Variants in KIF24 observed in about 807,000 individuals in gnomAD.
The protein encoded by KIF24 is kinesin-like protein KIF24.
A neutral mutation model predicts 118.9 loss-of-function variants in KIF24; 81 were observed. The ratio of observed to expected loss-of-function variants is 0.68; its 90% CI spans 0.57 to 0.82. The LOEUF (loss-of-function observed/expected upper bound fraction) is 0.82, where lower values mean the gene tolerates loss of function less well. KIF24 is among the 40% of genes least tolerant of loss of function. KIF24 has a pLI of 0.00. For missense variants in KIF24, 1,560 were observed against 1,661.6 expected, an observed-to-expected ratio of 0.94 and a Z score of 1.06; for synonymous variants, 599 against 610.0, an observed-to-expected ratio of 0.98 and a Z score of 0.27.
chr9:34,289,041 A>G (rs1385829026), intron 5 of KIF24, among the ~76,000 whole-genome samples: 2 of 152,174 alleles, frequency 1.3e-5, no homozygotes, highest in African/African-American at 4.8e-5. Flanking sequence ...GGTAAAAAAG[A>G]AAGGCAACTC....
chr9:34,293,107 A>AT lies in KIF24; in HGVS notation c.912-2719dup, dbSNP rs1304372105. On this transcript the variant is annotated intron_variant, in intron 4 of 12. Coordinates refer to ENST00000402558, the MANE Select transcript of KIF24 (RefSeq NM_194313.4). ...TTCACATTTTTAGCCTTCTCATAAA[A>AT]TTTAAAAAATTAAATAGCTTTTACA... is the stretch of plus-strand genomic sequence containing the variant. Among the ~76,000 whole-genome samples, 27 of 152,336 alleles carry AT rather than the reference A, an allele frequency of 1.8e-4. No individual in the cohort carries two copies. In the South Asian group the frequency reaches 4.1e-3, roughly 23 times the overall value.
At chr9:34,279,319 G>A (rs1279715321) in intron 6 of KIF24, among the ~76,000 whole-genome samples, 1 of 152,144 alleles carries the variant, frequency 6.6e-6, no homozygotes, top group East Asian at 1.9e-4. Context: ...ACATGGCACT[G>A]TAACTGGCTG....
At position 34,311,167 on chromosome 9, in the gene KIF24, A is replaced by T; in HGVS notation, c.180T>A (p.Ile60=). ...DRKRLFQLIK[I]IKIMQEEDKA... Reference sequence around the variant, plus strand: ...TATCTTCTTCTTGCATAATCTTAATAATTTTGATAAGTTGGAAGAGACGTT... The same window carrying T: ...TATCTTCTTCTTGCATAATCTTAATTATTTTGATAAGTTGGAAGAGACGTT... Residue 60 remains isoleucine, a synonymous_variant, in exon 2 of 13, where the codon ATT becomes ATA. Coordinates refer to ENST00000402558, the MANE Select transcript of KIF24 (RefSeq NM_194313.4). The T allele has an allele frequency of 6.2e-7, 1 of 1,613,454 alleles. No individual in the cohort carries two copies.
At position 34,256,233 on chromosome 9, in the gene KIF24, C is replaced by T. The variant is rs1341578257; in HGVS notation, c.3374G>A (p.Gly1125Asp). The T allele has an allele frequency of 1.0e-5, 16 of 1,604,202 alleles. No homozygotes were observed. Among genetic ancestry groups the T allele is most frequent in the Non-Finnish European group, 1.3e-5 (15 of 1,174,616 alleles). Reference protein sequence around the residue: ...SSSPPDNKPGGDLPALSPSPI... With the variant: ...SSSPPDNKPGDDLPALSPSPI... ...TGATGGGGACAGAGCTGGAAGATCA[C>T]CACCAGGCTTATTATCAGGGGGAGA... is the stretch of plus-strand genomic sequence containing the variant. Residue 1125 changes from glycine to aspartate, a missense_variant, in exon 11 of 13, where the codon GGT (glycine) becomes GAT (aspartate). Transcript: ENST00000402558.
chr9:34,289,861 G>A (rs909278197), intron 5 of KIF24, among the ~76,000 whole-genome samples: 1 of 152,140 alleles, frequency 6.6e-6, no homozygotes, highest in Admixed American at 6.6e-5. Context: ...GAACAGGAAG[G>A]GGTTTAAGTA....
chr9:34,267,024 G>T (rs997393687), intron 8 of KIF24, among the ~76,000 whole-genome samples: 2 of 152,142 alleles, frequency 1.3e-5, no homozygotes, highest in Non-Finnish European at 2.9e-5. Context: ...CTGAAAAGTG[G>T]TGAATAAATT....
rs1222191457 is a variant in KIF24, at chr9:34,306,554, G to A, written c.624-113C>T. 4.5e-6 allele frequency: 3 copies of A among 670,926 alleles called. No individual in the cohort carries two copies. In the Admixed American group the frequency reaches 8.1e-5, roughly 18 times the overall value. The allele number at this position is 670,926 out of a possible 1,614,324, so 41.6% of individuals were successfully genotyped here. A position where few individuals can be genotyped will look rare whatever the true frequency, so the allele number is the denominator to read the frequency against. On this transcript the variant is annotated intron_variant, in intron 2 of 12. Transcript: ENST00000402558. ...GCGGTGGCTTACGCCTGTAATCCCA[G>A]CACTTTGAGAGGCCGAGGTGGGCGG... is the stretch of plus-strand genomic sequence containing the variant.
intron 1 of KIF24, among the ~76,000 whole-genome samples, chr9:34,316,216 C>T (rs1587971277): frequency 6.7e-6 from 1 of 149,352 alleles, no homozygotes; most frequent in East Asian, 2.0e-4. Flanking sequence ...GGTGTGGTGG[C>T]AAGTGCCTGT....
chr9:34,259,162 T>C (rs1356654178), intron 10 of KIF24, among the ~76,000 whole-genome samples: 3 of 152,184 alleles, frequency 2.0e-5, no homozygotes, highest in African/African-American at 7.2e-5. Context: ...CTAACATGTT[T>C]GGGTTGGGCC....
intron 1 of KIF24, among the ~76,000 whole-genome samples, chr9:34,311,704 A>G (rs1837162579): frequency 6.8e-6 from 1 of 146,784 alleles, no homozygotes; most frequent in Non-Finnish European, 1.5e-5. Context: ...ATATGTACAT[A>G]TATACGTATA....
intron 4 of KIF24, among the ~76,000 whole-genome samples, chr9:34,293,471 C>T (rs997183955): frequency 1.7e-4 from 13 of 77,072 alleles, no homozygotes; most frequent in African/African-American, 5.7e-4. Context: ...CAGTGAGACT[C>T]TATCTCAAAA....
intron 7 of KIF24, among the ~76,000 whole-genome samples, chr9:34,270,116 G>A (rs1835445390): frequency 6.6e-6 from 1 of 152,010 alleles, no homozygotes; most frequent in Non-Finnish European, 1.5e-5. Flanking sequence ...CAGCTACTTG[G>A]GAGCTGAGGC....
chr9:34,332,474 A>G (rs886135085), upstream of KIF24, among the ~76,000 whole-genome samples: 66 of 152,300 alleles, frequency 4.3e-4, no homozygotes, highest in African/African-American at 1.5e-3. Flanking sequence ...CTTCATATCT[A>G]TCTGTCAATC....
chr9:34,257,088 C>T lies in KIF24; in HGVS notation c.2519G>A (p.Arg840Lys). 1 of 1,614,020 alleles carries T rather than the reference C, an allele frequency of 6.2e-7. No individual in the cohort carries two copies. Among genetic ancestry groups the T allele is most frequent in the Non-Finnish European group, 8.5e-7 (1 of 1,179,894 alleles). ...EDSFSHISSQ[R>K]ATKQRNTLEN... Reference sequence around the variant, plus strand: ...CAGGGTGTTCCTTTGCTTTGTGGCCCTCTGACTAGAGATGTGTGAAAAAGA... The same window carrying T: ...CAGGGTGTTCCTTTGCTTTGTGGCCTTCTGACTAGAGATGTGTGAAAAAGA... The change falls in exon 11 of 13, where the codon AGG becomes AAG. Residue 840 changes from arginine to lysine, a missense_variant. By Grantham distance (26) the Arg-to-Lys change is conservative (BLOSUM62 2). Transcript: ENST00000402558.
Position 34,306,266 on chromosome 9 carries a change from G to A in KIF24, c.799C>T (p.Gln267Ter). ...AAACATCATACCTGCAGAATATATT[G>A]AGTGAGGTCAACTGCTTCTTTCTTC... Reference protein sequence around the residue: ...HEKKEAVDLTQYILQHVFYFD... With the variant: ...HEKKEAVDLT Residue 267 changes from glutamine (Q) to a stop codon, truncating the protein, a stop_gained, in exon 3 of 13, where the codon CAA becomes TAA. Transcript: ENST00000402558. LOFTEE classifies it high-confidence loss of function. The A allele has an allele frequency of 6.3e-7, 1 of 1,597,718 alleles. No individual in the cohort carries two copies. The highest frequency in any genetic ancestry group is 8.5e-7 in the Non-Finnish European group (1 of 1,170,988).
At chr9:34,289,879 A>C (rs974765964) in intron 5 of KIF24, among the ~76,000 whole-genome samples, 2 of 152,234 alleles carry the variant, frequency 1.3e-5, no homozygotes, top group African/African-American at 2.4e-5. Context: ...GTACGTGTTG[A>C]TTTCCTGACT....
intron 6 of KIF24, among the ~76,000 whole-genome samples, chr9:34,276,286 C>T (rs1835657016): frequency 6.6e-6 from 1 of 151,464 alleles, no homozygotes; most frequent in Admixed American, 6.6e-5. Context: ...CCTGTAATCC[C>T]AGCTACTCAG....
chr9:34,313,146 T>TAATG (rs1837223466), intron 1 of KIF24, among the ~76,000 whole-genome samples: 1 of 152,090 alleles, frequency 6.6e-6, no homozygotes, highest in Admixed American at 6.6e-5. Flanking sequence ...ATGGTAGGAG[T>TAATG]AATGCTATGC....
chr9:34,330,857 A>T (rs1837903918), upstream of KIF24, among the ~76,000 whole-genome samples: 1 of 152,018 alleles, frequency 6.6e-6, no homozygotes, highest in Non-Finnish European at 1.5e-5. Flanking sequence ...GCTACTCGGG[A>T]GGCTGAGGCA....
Sources: allele counts gnomAD v4.1 joint callset (sites outside exome capture counted in the v4.1 genomes callset), GRCh38; gene constraint gnomAD v4.1.1; transcripts MANE v1.5; gene names NCBI Gene and HGNC (gene_info 2026-07-23, HGNC 2026-07-21).